Variants in CAB39L observed in about 807,000 individuals in gnomAD.
CAB39L encodes the protein calcium binding protein 39 like, also known as calcium-binding protein 39-like.
In CAB39L, 23 loss-of-function variants were observed where a neutral mutation model predicts 39.1. That is an observed-to-expected ratio of 0.59 (90% CI 0.42 to 0.83). The LOEUF is 0.83. Among genes scored for constraint, CAB39L ranks in the 40% least tolerant of loss-of-function variants. CAB39L has a pLI of 0.00. For synonymous variants in CAB39L, 126 were observed against 137.2 expected (o/e 0.92, Z 0.57); for missense variants, 366 against 391.9 (o/e 0.93, Z 0.56).
intron 3 of CAB39L, among the ~76,000 whole-genome samples, chr13:49,402,610 CT>C (rs1268842841): frequency 3.3e-5 from 5 of 152,114 alleles, no homozygotes; most frequent in African/African-American, 1.2e-4. Flanking sequence ...TTCTTATTCT[CT>C]GCAGAATTAA....
chr13:49,344,150 G>C, intron 8 of CAB39L, 29 bp downstream of exon 8: 4 of 1,372,320 alleles, frequency 2.9e-6, no homozygotes, highest in Non-Finnish European at 4.2e-6. Flanking sequence ...GAGAAAGTGG[G>C]AAAGTCTTTA....
chr13:49,382,851 G>T lies in CAB39L; in HGVS notation c.60C>A (p.Ile20=). The change falls in exon 4 of 11, where the codon ATC becomes ATA. Residue 20 remains isoleucine, a synonymous_variant. Transcript: ENST00000409308. ...CCAAAATGGCCAAATTGTCTTTCAG[G>T]ATTTTCACAATTTCTGCTGGATTTT... is the stretch of plus-strand genomic sequence containing the variant. ...SHKNPAEIVK[I]LKDNLAILEK... 6.2e-7 allele frequency: 1 copy of T among 1,610,862 alleles called. No individual in the cohort carries two copies. Among genetic ancestry groups the T allele is most frequent in the Non-Finnish European group, 8.5e-7 (1 of 1,178,730 alleles).
chr13:49,406,142 T>C (rs1956871554), intron 3 of CAB39L, among the ~76,000 whole-genome samples: 1 of 150,976 alleles, frequency 6.6e-6, no homozygotes. Context: ...CATTTTAGAA[T>C]AACTGAGGGA....
intron 5 of CAB39L, among the ~76,000 whole-genome samples, chr13:49,368,920 C>A (rs1955839390): frequency 6.6e-6 from 1 of 151,994 alleles, no homozygotes; most frequent in African/African-American, 2.4e-5. Flanking sequence ...AAGGCGGAGA[C>A]TAGAAAACAC....
rs113068127 is a variant in CAB39L at position 49,390,008 on chromosome 13, A to T, written c.-31-7067T>A. On this transcript the variant is annotated intron_variant, in intron 3 of 10. Coordinates refer to ENST00000409308, the MANE Select transcript of CAB39L (RefSeq NM_001079670.3). ...CGGTTAATTTTTGTATTTTTAGTAG[A>T]GACGGGGTTTGCCATGTTACCCAGG... 2.8e-3 allele frequency among the ~76,000 whole-genome samples: 431 copies of T among 152,102 alleles called. 2 individuals are homozygous for T. The highest frequency in any genetic ancestry group is 9.9e-3 in the African/African-American group (410 of 41,488).
In CAB39L at chr13:49,424,127, G is replaced by T. The variant is rs1039540381; in HGVS notation, c.-32+9191C>A. ...GAACATAACTCCCCACTCCCTGAGT[G>T]TAAGTTATAGATCGTGACTTCTTTC... On this transcript the variant is annotated intron_variant, in intron 3 of 10. Coordinates refer to ENST00000409308, the MANE Select transcript of CAB39L (RefSeq NM_001079670.3). 3.3e-5 allele frequency among the ~76,000 whole-genome samples: 5 copies of T among 152,222 alleles called. No homozygotes were observed. The South Asian group carries it at 8.3e-4, about 25-fold the overall frequency.
chr13:49,332,164 T>C, intron 9 of CAB39L, 74 bp from the exon 10 acceptor site: 1 of 1,523,548 alleles, frequency 6.6e-7, no homozygotes, highest in African/African-American at 1.4e-5. Flanking sequence ...GTCTTCTCAC[T>C]GAAAAACAAA....
intron 9 of CAB39L, among the ~76,000 whole-genome samples, chr13:49,334,824 A>C (rs890388592): frequency 6.6e-6 from 1 of 152,156 alleles, no homozygotes. Flanking sequence ...TTACATATAT[A>C]TATCCTCAAG....
At chr13:49,387,943 G>A (rs575136247) in intron 3 of CAB39L, among the ~76,000 whole-genome samples, 1 of 152,248 alleles carries the variant, frequency 6.6e-6, no homozygotes, top group Admixed American at 6.5e-5. Context: ...GTATTCATTC[G>A]AAAAGTATTT....
chr13:49,340,615 G>A (rs746631740), intron 8 of CAB39L, among the ~76,000 whole-genome samples: 2 of 152,326 alleles, frequency 1.3e-5, no homozygotes, highest in African/African-American at 2.4e-5. Flanking sequence ...TAATATGAAT[G>A]ACTTATTTAT....
intron 3 of CAB39L, among the ~76,000 whole-genome samples, chr13:49,407,991 C>A (rs11617824): frequency 6.6e-6 from 1 of 151,568 alleles, no homozygotes; most frequent in Admixed American, 6.6e-5. Context: ...GAGTGCTAGA[C>A]AAAAGAGCTA....
intron 3 of CAB39L, among the ~76,000 whole-genome samples, chr13:49,396,563 C>T (rs1226871457): frequency 6.6e-6 from 1 of 151,992 alleles, no homozygotes; most frequent in African/African-American, 2.4e-5. Context: ...CAAAAATTAG[C>T]CGGGTGTGGT....
chr13:49,323,808 G>T (rs1470451082), intron 10 of CAB39L, among the ~76,000 whole-genome samples: 1 of 152,134 alleles, frequency 6.6e-6, no homozygotes, highest in Non-Finnish European at 1.5e-5. Context: ...CTCCAGGTTA[G>T]CATTACCAGA....
At chr13:49,436,776 G>C (rs948272394) in intron 1 of CAB39L, among the ~76,000 whole-genome samples, 2 of 151,538 alleles carry the variant, frequency 1.3e-5, no homozygotes, top group Non-Finnish European at 2.9e-5. Context: ...TTGTCCATTT[G>C]TTTTGCAGTT....
intron 9 of CAB39L, among the ~76,000 whole-genome samples, chr13:49,338,392 A>C (rs1194692643): frequency 6.6e-6 from 1 of 151,228 alleles, no homozygotes; most frequent in Non-Finnish European, 1.5e-5. Flanking sequence ...TCAGTAAACT[A>C]TCGCAAGAAC....
At chr13:49,331,240 C>T (rs144647305) in intron 10 of CAB39L, among the ~76,000 whole-genome samples, 1,802 of 151,994 alleles carry the variant, frequency 0.012, 35 homozygotes, top group African/African-American at 0.04. Context: ...CCGAGGAGGG[C>T]GGATCACGAG....
Position 49,310,826 on chromosome 13 carries a change from T to C in CAB39L, c.1002A>G (p.Lys334=). The C allele has an allele frequency of 6.2e-7, 1 of 1,613,998 alleles. No homozygotes were observed. The highest frequency in any genetic ancestry group is 8.5e-7 in the Non-Finnish European group (1 of 1,179,926). The change falls in exon 11 of 11, where the codon AAA becomes AAG. Residue 334 remains lysine (K), a synonymous_variant. Transcript: ENST00000409308. ...YLIKQIRDLK[K]TAP ...GCCGGGGAGCTCTTCAAGGGGCCGTTTTCTTCAAGTCTCGGATCTGTTTAA... is the reference window on the plus strand; with the variant it reads ...GCCGGGGAGCTCTTCAAGGGGCCGTCTTCTTCAAGTCTCGGATCTGTTTAA...
chr13:49,442,670 TA>T (rs755427181), intron 1 of CAB39L, among the ~76,000 whole-genome samples: 44 of 151,670 alleles, frequency 2.9e-4, no homozygotes, highest in Non-Finnish European at 6.0e-4. Flanking sequence ...CCGGTGTCTG[TA>T]GTCCCAGCTA....
chr13:49,378,931 C>A (rs1956186732), intron 4 of CAB39L, among the ~76,000 whole-genome samples: 6 of 21,032 alleles, frequency 2.9e-4, no homozygotes, highest in South Asian at 1.9e-3. Context: ...CCGCCCCGTC[C>A]GGGAGGTGAG....
Sources: gnomAD v4.1 joint callset for allele counts (sites outside exome capture counted in the v4.1 genomes callset) on GRCh38, gnomAD v4.1.1 for gene constraint, MANE v1.5 for transcripts, NCBI Gene and HGNC (gene_info 2026-07-23, HGNC 2026-07-21) for gene names.